Variants in STK3 observed in about 807,000 individuals in gnomAD.
STK3 encodes the protein serine/threonine kinase 3, also known as serine/threonine-protein kinase 3.
Under a neutral mutation model 58.0 loss-of-function variants are expected in STK3, and 41 were observed. The ratio of observed to expected loss-of-function variants is 0.71; its 90% CI spans 0.55 to 0.92. The LOEUF (loss-of-function observed/expected upper bound fraction) is 0.92. STK3 is among the 40% of genes least tolerant of loss of function. The probability of loss-of-function intolerance (pLI) is 0.00; values close to 1 mark genes in which losing one functional copy is unlikely to be tolerated. For missense variants in STK3, 479 were observed against 602.7 expected, an observed-to-expected ratio of 0.79 and a Z score of 2.15; for synonymous variants, 170 against 191.0, an observed-to-expected ratio of 0.89 and a Z score of 0.91.
chr8:98,644,650 T>C (rs1820267398), intron 6 of STK3, among the ~76,000 whole-genome samples: 1 of 152,170 alleles, frequency 6.6e-6, no homozygotes, highest in Admixed American at 6.5e-5. Flanking sequence ...CTATTTATTA[T>C]ATTAAAATAT....
intron 1 of STK3, among the ~76,000 whole-genome samples, chr8:98,918,725 C>T (rs1438634553): frequency 6.6e-6 from 1 of 152,030 alleles, no homozygotes; most frequent in Non-Finnish European, 1.5e-5. Flanking sequence ...TCATTGATTG[C>T]ACCACTACAC....
At chr8:98,934,145 T>G (rs1840110402) in intron 1 of STK3, among the ~76,000 whole-genome samples, 4 of 152,236 alleles carry the variant, frequency 2.6e-5, no homozygotes, top group African/African-American at 7.2e-5. Context: ...CGACCAAGTC[T>G]GCTTTATATG....
chr8:98,833,081 C>T (rs1019405606), intron 3 of STK3, among the ~76,000 whole-genome samples: 1 of 152,116 alleles, frequency 6.6e-6, no homozygotes, highest in Non-Finnish European at 1.5e-5. Flanking sequence ...CCTGAGAATA[C>T]GTGCCCAAGG....
intron 10 of STK3, among the ~76,000 whole-genome samples, chr8:98,491,539 C>T (rs1822701896): frequency 6.6e-6 from 1 of 151,982 alleles, no homozygotes; most frequent in South Asian, 2.1e-4. Flanking sequence ...CTCCCGGGTT[C>T]AAGCAATTCT....
At chr8:98,685,426 T>C (rs1823914870) in intron 6 of STK3, among the ~76,000 whole-genome samples, 1 of 152,280 alleles carries the variant, frequency 6.6e-6, no homozygotes, top group East Asian at 1.9e-4. Context: ...GCAGGCTTAA[T>C]CTAGAGAAGT....
At chr8:98,784,183 A>G (rs1324588806) in intron 1 of STK3, among the ~76,000 whole-genome samples, 1 of 152,214 alleles carries the variant, frequency 6.6e-6, no homozygotes, top group African/African-American at 2.4e-5. Context: ...CAGGATGGAG[A>G]GCAGGACACT....
intron 6 of STK3, among the ~76,000 whole-genome samples, chr8:98,665,947 C>T (rs1010734704): frequency 1.3e-5 from 2 of 152,164 alleles, no homozygotes; most frequent in African/African-American, 2.4e-5. Context: ...TCGTGATCCA[C>T]CTGCCTCAGC....
At chr8:98,826,064 C>T (rs1253193113), upstream of STK3, among the ~76,000 whole-genome samples, 6 of 152,102 alleles carry the variant, frequency 3.9e-5, no homozygotes, top group African/African-American at 1.4e-4. Flanking sequence ...GAAGGTTCCG[C>T]TAGAGCTAGG....
chr8:98,872,271 T>C (rs905201524), intron 3 of STK3, among the ~76,000 whole-genome samples: 2 of 152,206 alleles, frequency 1.3e-5, no homozygotes, highest in African/African-American at 4.8e-5. Context: ...ATTTTTGCAT[T>C]GATGTTCATC....
intron 9 of STK3, among the ~76,000 whole-genome samples, chr8:98,534,574 C>G (rs779512269): frequency 6.6e-6 from 1 of 152,158 alleles, no homozygotes; most frequent in Non-Finnish European, 1.5e-5. Flanking sequence ...TCATCTTCAA[C>G]TTTGTTCCCT....
chr8:98,387,683 G>A (rs1310268558), intron 1 of STK3, among the ~76,000 whole-genome samples: 1 of 152,148 alleles, frequency 6.6e-6, no homozygotes, highest in Non-Finnish European at 1.5e-5. Context: ...GGGAGGCAGA[G>A]GTTGTGGAGA....
chr8:98,723,930 A>G (rs573776335), intron 4 of STK3, among the ~76,000 whole-genome samples: 1 of 152,188 alleles, frequency 6.6e-6, no homozygotes, highest in Non-Finnish European at 1.5e-5. Flanking sequence ...AGTGTTAACA[A>G]TGGTGATAAC....
intron 10 of STK3, among the ~76,000 whole-genome samples, chr8:98,491,764 T>C (rs113590176): frequency 1.3e-3 from 193 of 152,290 alleles, no homozygotes; most frequent in African/African-American, 4.5e-3. Context: ...ACAGTATTAA[T>C]ACAGGAAGGC....
intron 10 of STK3, among the ~76,000 whole-genome samples, chr8:98,463,405 T>TA (rs1241543591): frequency 6.6e-6 from 1 of 151,786 alleles, no homozygotes; most frequent in East Asian, 1.9e-4. Flanking sequence ...AAGTAAAAGA[T>TA]ACGCAAATTA....
intron 6 of STK3, among the ~76,000 whole-genome samples, chr8:98,662,352 G>T (rs550357667): frequency 3.9e-5 from 6 of 152,168 alleles, no homozygotes; most frequent in African/African-American, 1.4e-4. Context: ...CAAAAAAATG[G>T]AGACCCTCCC....
intron 3 of STK3, among the ~76,000 whole-genome samples, chr8:98,851,140 A>G (rs996957266): frequency 2.0e-5 from 3 of 152,112 alleles, no homozygotes; most frequent in Non-Finnish European, 2.9e-5. Context: ...AGAGGCCTTC[A>G]CCATTCTAGG....
At chr8:98,506,628 T>C (rs953643725) in intron 10 of STK3, among the ~76,000 whole-genome samples, 1 of 152,002 alleles carries the variant, frequency 6.6e-6, no homozygotes, top group African/African-American at 2.4e-5. Context: ...AGAGAACTGC[T>C]TGAACCCAGG....
At chr8:98,853,013 T>C (rs927376893) in intron 3 of STK3, among the ~76,000 whole-genome samples, 2 of 152,144 alleles carry the variant, frequency 1.3e-5, no homozygotes, top group African/African-American at 2.4e-5. Flanking sequence ...AAAAAAAATT[T>C]CTTCTTTCTG....
intron 6 of STK3, among the ~76,000 whole-genome samples, chr8:98,612,892 C>A (rs980463080): frequency 6.6e-6 from 1 of 152,160 alleles, no homozygotes; most frequent in African/African-American, 2.4e-5. Flanking sequence ...TTTCACCCCT[C>A]TGGAAAGTAA....
Sources: gnomAD v4.1 joint callset for allele counts (sites outside exome capture counted in the v4.1 genomes callset) on GRCh38, gnomAD v4.1.1 for gene constraint, MANE v1.5 for transcripts, NCBI Gene and HGNC (gene_info 2026-07-23, HGNC 2026-07-21) for gene names.